Variants in SMAD4 observed in about 807,000 individuals in gnomAD.
The protein encoded by SMAD4 is SMAD family member 4, also known as MAD homolog 4.
In SMAD4, 7 loss-of-function variants were observed where a neutral mutation model predicts 63.2. That is an observed-to-expected ratio of 0.11 (90% confidence interval 0.06 to 0.21). The LOEUF is 0.21. SMAD4 is among the 10% of genes least tolerant of loss of function. The pLI, the probability that SMAD4 is intolerant of heterozygous loss-of-function variation, is 1.00. For synonymous variants in SMAD4, 215 were observed against 235.4 expected (o/e 0.91, Z 0.79); for missense variants, 312 against 693.8 (o/e 0.45, Z 6.18).
rs761044209 is a variant in SMAD4 at position 51,047,076 on chromosome 18, A to T, written c.30A>T (p.Pro10=). 1 of 1,613,866 alleles carries T rather than the reference A, an allele frequency of 6.2e-7. No individual in the cohort carries two copies. Among genetic ancestry groups the T allele is most frequent in the Admixed American group, 1.7e-5 (1 of 60,032 alleles). The change falls in exon 2 of 12, where the codon CCA becomes CCT. Residue 10 remains proline (P), a synonymous_variant. Coordinates refer to ENST00000342988, the MANE Select transcript of SMAD4 (RefSeq NM_005359.6). MDNMSITNT[P]TSNDACLSIV... ...ACAATATGTCTATTACGAATACACC[A>T]ACAAGTAATGATGCCTGTCTGAGCA... is the stretch of plus-strand genomic sequence containing the variant.
chr18:51,069,961 T>G (rs1323655006), intron 10 of SMAD4, among the ~76,000 whole-genome samples: 1 of 152,226 alleles, frequency 6.6e-6, no homozygotes, highest in Non-Finnish European at 1.5e-5. Flanking sequence ...TCAGTTTGGA[T>G]GTATGGATTG....
At chr18:51,058,521 T>C (rs2144429977) in intron 7 of SMAD4, 65 bp downstream of exon 7, 1 of 1,066,316 alleles carries the variant, frequency 9.4e-7, no homozygotes, top group South Asian at 1.4e-5. Flanking sequence ...TTGTTTTCTG[T>C]TTTTTAAAAA....
intron 1 of SMAD4, among the ~76,000 whole-genome samples, chr18:51,036,147 T>A (rs891355685): frequency 6.6e-6 from 1 of 151,736 alleles, no homozygotes; most frequent in Non-Finnish European, 1.5e-5. Flanking sequence ...CTGATTTTTT[T>A]AAAACTGTTT....
intron 10 of SMAD4, among the ~76,000 whole-genome samples, chr18:51,075,223 TTGTA>T (rs1910442650): frequency 6.6e-6 from 1 of 152,220 alleles, no homozygotes; most frequent in African/African-American, 2.4e-5. Context: ...GTGTATGTTA[TTGTA>T]TGTTTTTGTG....
At chr18:51,075,722 T>G (rs1910455153) in intron 10 of SMAD4, among the ~76,000 whole-genome samples, 1 of 152,244 alleles carries the variant, frequency 6.6e-6, no homozygotes, top group Non-Finnish European at 1.5e-5. Flanking sequence ...AACCCCTTCC[T>G]TACTATGCCA....
intron 10 of SMAD4, among the ~76,000 whole-genome samples, chr18:51,068,039 C>T (rs946111202): frequency 1.6e-4 from 24 of 152,098 alleles, no homozygotes; most frequent in African/African-American, 5.8e-4. Flanking sequence ...TTTTCATTGT[C>T]AGTGATTGTA....
At chr18:51,055,437 C>A (rs905335897) in intron 5 of SMAD4, among the ~76,000 whole-genome samples, 2 of 151,716 alleles carry the variant, frequency 1.3e-5, no homozygotes, top group African/African-American at 2.4e-5. Context: ...GGGATCTTGA[C>A]AAATTTGTTA....
chr18:51,081,986 C>G lies in SMAD4; in HGVS notation c.*3519C>G. The G allele has an allele frequency of 4.3e-6, 1 of 231,728 alleles. No homozygotes were observed. Among genetic ancestry groups the G allele is most frequent in the Non-Finnish European group, 8.5e-6 (1 of 117,218 alleles). 14.4% of individuals were successfully genotyped at this position (231,728 alleles called of 1,614,324 possible). A position where few individuals can be genotyped will look rare whatever the true frequency, so the allele number is the denominator to read the frequency against. ...CATTAGTTCACACCCTTTCTGAGAG[C>G]CTTTTGGGAGAAGCAGTTTTATTCT... On this transcript the variant is annotated 3_prime_UTR_variant, in exon 12 of 12. Transcript: ENST00000342988.
rs149170228 is a variant in SMAD4, at chr18:51,045,756, C to G, written c.-127-1164C>G. On this transcript the variant is annotated intron_variant, in intron 1 of 11. Transcript: ENST00000342988. ...AATTTTTAGGACTTTTTCATTATAA[C>G]AAAGAAACACCATACCCATTAGCAG... Among the ~76,000 whole-genome samples, 345 of 152,128 alleles carry G rather than the reference C, an allele frequency of 2.3e-3. 2 individuals are homozygous for G. Among genetic ancestry groups the G allele is most frequent in the Non-Finnish European group, 3.8e-3 (258 of 67,962 alleles).
intron 11 of SMAD4, chr18:51,077,402 CTT>C: frequency 1.0e-6 from 1 of 985,032 alleles, no homozygotes; most frequent in Non-Finnish European, 1.2e-6. Context: ...AACCCCTGTT[CTT>C]AACCTCTTCA....
intron 9 of SMAD4, among the ~76,000 whole-genome samples, chr18:51,066,343 CAAAAAAAAA>C (rs112954430): frequency 0.037 from 2,456 of 65,914 alleles, 41 homozygotes; most frequent in Non-Finnish European, 0.055. Context: ...GACTCCATTT[CAAAAAAAAA>C]AAAAAAAAAA....
chr18:51,062,758 C>G (rs1373292330), intron 8 of SMAD4, among the ~76,000 whole-genome samples: 1 of 151,674 alleles, frequency 6.6e-6, no homozygotes, highest in Non-Finnish European at 1.5e-5. Flanking sequence ...CATCGGCTCC[C>G]AAAATGCTGG....
chr18:51,034,312 T>C (rs2144375339), intron 1 of SMAD4, among the ~76,000 whole-genome samples: 1 of 151,502 alleles, frequency 6.6e-6, no homozygotes, highest in South Asian at 2.1e-4. Flanking sequence ...AATGGTACGA[T>C]TTCGGCTCAC....
intron 10 of SMAD4, among the ~76,000 whole-genome samples, chr18:51,071,116 A>G (rs2144461674): frequency 6.6e-6 from 1 of 152,200 alleles, no homozygotes. Flanking sequence ...CATTTTCTTC[A>G]TTCGTTTTTT....
chr18:51,058,279 T>G (rs1441524975), intron 6 of SMAD4, 35 bp downstream of exon 6: 4 of 1,610,916 alleles, frequency 2.5e-6, no homozygotes, highest in Non-Finnish European at 3.4e-6. Context: ...TTTAAATAGT[T>G]GAGAAAAAAG....
At chr18:51,047,936 G>A (rs2035000544) in intron 2 of SMAD4, among the ~76,000 whole-genome samples, 1 of 152,034 alleles carries the variant, frequency 6.6e-6, no homozygotes, top group Admixed American at 6.6e-5. Context: ...GATATTGTAT[G>A]TACATTTAAA....
intron 9 of SMAD4, among the ~76,000 whole-genome samples, chr18:51,066,080 G>A (rs539778192): frequency 7.2e-5 from 11 of 152,120 alleles, no homozygotes; most frequent in Non-Finnish European, 1.5e-4. Flanking sequence ...GGCTGGGTGC[G>A]GTGGCTCACA....
chr18:51,078,789 T>TC lies in SMAD4; in HGVS notation c.*323dup. ...CTTTAAAACGTCTTAGAGCCTTTTA[T>TC]CTGCAGAACATCGATATGTATATCA... On this transcript the variant is annotated 3_prime_UTR_variant, in exon 12 of 12. Coordinates refer to ENST00000342988, the MANE Select transcript of SMAD4 (RefSeq NM_005359.6). The TC allele has an allele frequency of 2.9e-6, 1 of 343,376 alleles. No individual in the cohort carries two copies. Among genetic ancestry groups the TC allele is most frequent in the African/African-American group, 2.0e-5 (1 of 49,544 alleles). 21.3% of individuals were successfully genotyped at this position (343,376 alleles called of 1,614,324 possible).
chr18:51,035,510 C>G (rs1388201328), intron 1 of SMAD4, among the ~76,000 whole-genome samples: 1 of 151,904 alleles, frequency 6.6e-6, no homozygotes, highest in Non-Finnish European at 1.5e-5. Flanking sequence ...GACCTCATCT[C>G]TAAAATAAAT....
Sources: gnomAD v4.1 joint callset for allele counts (sites outside exome capture counted in the v4.1 genomes callset) on GRCh38, gnomAD v4.1.1 for gene constraint, MANE v1.5 for transcripts, NCBI Gene and HGNC (gene_info 2026-07-23, HGNC 2026-07-21) for gene names.